Variants in TLE3 observed in about 807,000 individuals in gnomAD.
TLE3 encodes transducin-like enhancer protein 3.
In TLE3, 14 loss-of-function variants were observed where a neutral mutation model predicts 93.0. That is an observed-to-expected ratio of 0.15 (90% CI 0.10 to 0.24). The LOEUF (loss-of-function observed/expected upper bound fraction) is 0.24. TLE3 is among the 10% of genes least tolerant of loss of function. The pLI is 1.00. For synonymous variants in TLE3, 451 were observed against 425.0 expected, an observed-to-expected ratio of 1.06 and a Z score of -0.75; for missense variants, 693 against 1,046.6, an observed-to-expected ratio of 0.66 and a Z score of 4.66.
intron 6 of TLE3, among the ~76,000 whole-genome samples, chr15:70,067,234 C>T (rs1430725572): frequency 6.6e-6 from 1 of 152,194 alleles, no homozygotes; most frequent in Admixed American, 6.5e-5. Context: ...TCTCCCTTCG[C>T]CCCACCCAAC....
intron 3 of TLE3, 140 bp from the exon 4 acceptor site, chr15:70,094,716 G>C (rs2058466901): frequency 1.5e-6 from 1 of 663,136 alleles, no homozygotes; most frequent in Non-Finnish European, 2.6e-6. Flanking sequence ...AAACCCCAAA[G>C]CCAGCTTACA....
intron 4 of TLE3, among the ~76,000 whole-genome samples, chr15:70,090,459 A>T (rs1430816434): frequency 6.6e-6 from 1 of 152,182 alleles, no homozygotes; most frequent in East Asian, 1.9e-4. Flanking sequence ...AGATAGGCTC[A>T]ACTCCTTGGC....
intron 13 of TLE3, among the ~76,000 whole-genome samples, chr15:70,056,644 C>T (rs1345433037): frequency 6.6e-6 from 1 of 152,244 alleles, no homozygotes; most frequent in Non-Finnish European, 1.5e-5. Flanking sequence ...TACTTCTTTC[C>T]TCTCCTGTGG....
At chr15:70,067,462 A>G (rs1382117846) in intron 6 of TLE3, among the ~76,000 whole-genome samples, 2 of 152,184 alleles carry the variant, frequency 1.3e-5, no homozygotes, top group Non-Finnish European at 2.9e-5. Flanking sequence ...AAATCCCACC[A>G]CTAGTAAATC....
rs1390551041 is a variant in TLE3, at chr15:70,088,198, G to A, written c.234+6334C>T. ...AAAAGAATTCAAAATCAATGCTGAT[G>A]CGAATTCAGACTCTCCCATTACCTC... On this transcript the variant is annotated intron_variant, in intron 4 of 19. Transcript: ENST00000451782. Among the ~76,000 whole-genome samples, 9 of 152,318 alleles carry A rather than the reference G, an allele frequency of 5.9e-5. No individual in the cohort carries two copies. The East Asian group carries it at 1.2e-3, about 20-fold the overall frequency.
chr15:70,082,717 G>A (rs2057842471), intron 4 of TLE3, among the ~76,000 whole-genome samples: 3 of 152,234 alleles, frequency 2.0e-5, no homozygotes, highest in Admixed American at 6.5e-5. Context: ...CCTCCGGAAG[G>A]GAAGGGGATG....
At chr15:70,069,762 G>C (rs573267495) in intron 6 of TLE3, among the ~76,000 whole-genome samples, 1 of 152,386 alleles carries the variant, frequency 6.6e-6, no homozygotes, top group African/African-American at 2.4e-5. Flanking sequence ...GTACAACAGA[G>C]AGTGAAACGA....
In TLE3 at chr15:70,097,023, G is replaced by A. The variant is rs1386424739; in HGVS notation, c.-225C>T. The A allele has an allele frequency of 1.9e-5, 11 of 582,582 alleles. No homozygotes were observed. Among genetic ancestry groups the A allele is most frequent in the Non-Finnish European group, 2.9e-6 (1 of 339,470 alleles). The allele number at this position is 582,582 out of a possible 1,614,324, so 36.1% of individuals were successfully genotyped here. A position where few individuals can be genotyped will look rare whatever the true frequency, so the allele number is the denominator to read the frequency against. ...GGCGGCAAAGTCGTCGGCGGGCGCC[G>A]GGGCCGGGCGGCGGGCGCGGGCTTT... On this transcript the variant is annotated 5_prime_UTR_variant, in exon 1 of 20. Transcript: ENST00000451782.
At chr15:70,094,778 G>T in intron 3 of TLE3, 1 of 560,252 alleles carries the variant, frequency 1.8e-6, no homozygotes, top group Non-Finnish European at 3.2e-6. Flanking sequence ...TCAACAGAAC[G>T]TTATATTATG....
intron 4 of TLE3, among the ~76,000 whole-genome samples, chr15:70,091,464 A>AC (rs1317794665): frequency 7.2e-5 from 11 of 152,210 alleles, no homozygotes; most frequent in African/African-American, 2.7e-4. Flanking sequence ...GTCAGTCATC[A>AC]CTGCCTTCCC....
chr15:70,051,333 A>G (rs1477873475), intron 19 of TLE3, 58 bp downstream of exon 19: 6 of 1,515,984 alleles, frequency 4.0e-6, no homozygotes, highest in Non-Finnish European at 5.4e-6. Flanking sequence ...TCCCATCACC[A>G]TCACCAAGTT....
intron 4 of TLE3, among the ~76,000 whole-genome samples, chr15:70,089,106 C>T (rs956872081): frequency 6.6e-5 from 10 of 152,262 alleles, no homozygotes; most frequent in African/African-American, 2.4e-4. Flanking sequence ...ATCTCACTGC[C>T]TTGCCGCGAG....
chr15:70,076,178 A>C lies in TLE3; in HGVS notation c.235-20T>G, dbSNP rs200546453. Reference sequence around the variant, plus strand: ...CTCTGTCTGCAAAGGCAAGGAGACCACATGAAGCTCAGGCAAATAAATCAA... The same window carrying C: ...CTCTGTCTGCAAAGGCAAGGAGACCCCATGAAGCTCAGGCAAATAAATCAA... On this transcript the variant is annotated intron_variant, in intron 4 of 19. Coordinates refer to ENST00000451782, the MANE Select transcript of TLE3 (RefSeq NM_001105192.3). 3 of 1,613,134 alleles carry C rather than the reference A, an allele frequency of 1.9e-6. No individual in the cohort carries two copies. Among genetic ancestry groups the C allele is most frequent in the Admixed American group, 1.7e-5 (1 of 60,012 alleles).
chr15:70,073,506 T>C (rs1296036598), intron 6 of TLE3, among the ~76,000 whole-genome samples: 1 of 152,218 alleles, frequency 6.6e-6, no homozygotes, highest in African/African-American at 2.4e-5. Flanking sequence ...ATCAGTCTAC[T>C]GCTTCCCAAG....
At chr15:70,052,337 C>A in intron 18 of TLE3, 37 bp downstream of exon 18, 1 of 1,601,718 alleles carries the variant, frequency 6.2e-7, no homozygotes, top group Non-Finnish European at 8.5e-7. Flanking sequence ...GGGTTCCCCA[C>A]CCCACTCCAT....
intron 3 of TLE3, chr15:70,095,290 C>T (rs910857020): frequency 1.5e-5 from 20 of 1,330,850 alleles, no homozygotes; most frequent in Non-Finnish European, 1.7e-5. Flanking sequence ...CAATCAGCCC[C>T]TGGGAAACTT....
At position 70,077,944 on chromosome 15, in the gene TLE3, C is replaced by A. The variant is rs138129467; in HGVS notation, c.235-1786G>T. ...ACTCCACATTGACACATGTGTGGGG[C>A]ACTCTAGCCAGGACACCATACATCA... On this transcript the variant is annotated intron_variant, in intron 4 of 19. Transcript: ENST00000451782. 3.6e-3 allele frequency among the ~76,000 whole-genome samples: 551 copies of A among 152,304 alleles called. 3 individuals carry two copies. The highest frequency in any genetic ancestry group is 0.013 in the African/African-American group (528 of 41,558).
At chr15:70,066,243 C>T (rs767335932) in intron 6 of TLE3, 25 bp from the exon 7 acceptor site, 66 of 1,489,182 alleles carry the variant, frequency 4.4e-5, no homozygotes, top group Non-Finnish European at 5.6e-5. Context: ...GTGGTGAGTA[C>T]AGCTGAGTTG....
intron 12 of TLE3, 103 bp from the exon 13 acceptor site, chr15:70,057,761 C>G: frequency 6.5e-6 from 9 of 1,374,570 alleles, no homozygotes; most frequent in Non-Finnish European, 8.9e-6. Context: ...AAGCTGCCTG[C>G]TCCAGGCAGT....
Sources: allele counts gnomAD v4.1 joint callset (sites outside exome capture counted in the v4.1 genomes callset), GRCh38; gene constraint gnomAD v4.1.1; transcripts MANE v1.5; gene names NCBI Gene and HGNC (gene_info 2026-07-23, HGNC 2026-07-21).